SEZ6L: variants seen among roughly 807,000 people sequenced by gnomAD.
SEZ6L encodes the protein seizure 6-like protein.
SEZ6L carries 37 observed loss-of-function variants against 106.2 expected under a neutral mutation model. That is an observed-to-expected ratio of 0.35 (90% confidence interval 0.27 to 0.46). The LOEUF (loss-of-function observed/expected upper bound fraction) is 0.46. SEZ6L is among the 20% of genes least tolerant of loss of function. The pLI is 1.00. For missense variants in SEZ6L, 1,172 were observed against 1,332.8 expected, an observed-to-expected ratio of 0.88 and a Z score of 1.88; for synonymous variants, 541 against 570.4, an observed-to-expected ratio of 0.95 and a Z score of 0.73.
chr22:26,326,026 A>C (rs1234889131), intron 9 of SEZ6L, among the ~76,000 whole-genome samples: 1 of 152,150 alleles, frequency 6.6e-6, no homozygotes, highest in Non-Finnish European at 1.5e-5. Context: ...GGTCCTACCC[A>C]GGTATCCCAC....
chr22:26,293,976 C>T (rs993719833), intron 2 of SEZ6L, among the ~76,000 whole-genome samples: 12 of 152,118 alleles, frequency 7.9e-5, no homozygotes, highest in Admixed American at 7.9e-4. Context: ...TGTTTGAGCT[C>T]GGCCCCTCTC....
intron 1 of SEZ6L, among the ~76,000 whole-genome samples, chr22:26,213,790 G>A (rs981975961): frequency 2.0e-5 from 3 of 152,172 alleles, no homozygotes; most frequent in Admixed American, 6.5e-5. Context: ...GTGTAGTGCC[G>A]TGCACCTGTA....
chr22:26,316,688 C>G (rs2082005498), intron 9 of SEZ6L, among the ~76,000 whole-genome samples: 1 of 151,866 alleles, frequency 6.6e-6, no homozygotes, highest in Non-Finnish European at 1.5e-5. Context: ...AAAAATTAGC[C>G]AGGCGTGGTG....
Position 26,200,705 on chromosome 22 carries a change from T to C in SEZ6L, c.94+30942T>C, listed in dbSNP as rs181087892. 2.3e-4 allele frequency among the ~76,000 whole-genome samples: 35 copies of C among 152,326 alleles called. No homozygotes were observed. The East Asian group carries it at 4.6e-3, about 20-fold the overall frequency. Reference sequence around the variant, plus strand: ...GCCTTCTCAGCCTCCAGCCAGTTGCTGGATTTGTCATTTTAAAGGACTTCT... The same window carrying C: ...GCCTTCTCAGCCTCCAGCCAGTTGCCGGATTTGTCATTTTAAAGGACTTCT... On this transcript the variant is annotated intron_variant, in intron 1 of 16. Transcript: ENST00000248933.
At chr22:26,272,839 G>A (rs1248184223) in intron 1 of SEZ6L, among the ~76,000 whole-genome samples, 1 of 152,202 alleles carries the variant, frequency 6.6e-6, no homozygotes, top group Non-Finnish European at 1.5e-5. Context: ...ATATCAGACA[G>A]ACCTGGGTTT....
rs1221949792 is a variant in SEZ6L at position 26,327,463 on chromosome 22, T to TAC, written c.2016-12964_2016-12963dup. On this transcript the variant is annotated intron_variant, in intron 9 of 16. Transcript: ENST00000248933. ...ATGACACTACACACACCACACACCA[T>TAC]ACACACACACCCCTCACACACACCA... Among the ~76,000 whole-genome samples the TAC allele has an allele frequency of 5.5e-5, 5 of 91,268 alleles. No individual in the cohort carries two copies. In the Admixed American group the frequency reaches 7.4e-4, roughly 14 times the overall value. The allele number at this position is 91,268 out of a possible 152,430, so 59.9% of individuals were successfully genotyped here.
At chr22:26,182,129 A>C (rs569200332) in intron 1 of SEZ6L, among the ~76,000 whole-genome samples, 1 of 152,330 alleles carries the variant, frequency 6.6e-6, no homozygotes, top group Admixed American at 6.5e-5. Flanking sequence ...GAAACTCAAT[A>C]AGTGCAGACA....
intron 1 of SEZ6L, among the ~76,000 whole-genome samples, chr22:26,189,071 G>A (rs551674887): frequency 2.0e-5 from 3 of 152,098 alleles, no homozygotes; most frequent in Admixed American, 2.0e-4. Context: ...TTTGTTATAA[G>A]TCATAGTTTA....
chr22:26,213,159 A>G (rs2078207905), intron 1 of SEZ6L, among the ~76,000 whole-genome samples: 1 of 152,204 alleles, frequency 6.6e-6, no homozygotes. Context: ...ACTTAGCCAT[A>G]TAGTCTTCTC....
chr22:26,298,670 C>T (rs750859498), intron 4 of SEZ6L, among the ~76,000 whole-genome samples: 1 of 152,120 alleles, frequency 6.6e-6, no homozygotes, highest in East Asian at 1.9e-4. Flanking sequence ...CCTCCCAGTC[C>T]CAGAGAGAAG....
chr22:26,349,986 C>T (rs1467247707), intron 11 of SEZ6L, among the ~76,000 whole-genome samples: 1 of 152,082 alleles, frequency 6.6e-6, no homozygotes, highest in Non-Finnish European at 1.5e-5. Flanking sequence ...GCAGTGAAGG[C>T]TCCCCCTCAC....
At chr22:26,352,691 T>C (rs955560406) in intron 12 of SEZ6L, among the ~76,000 whole-genome samples, 1 of 152,240 alleles carries the variant, frequency 6.6e-6, no homozygotes, top group Non-Finnish European at 1.5e-5. Flanking sequence ...TTGGATAGGC[T>C]GATACTTACT....
intron 1 of SEZ6L, among the ~76,000 whole-genome samples, chr22:26,178,371 C>T (rs1365074366): frequency 2.0e-5 from 3 of 152,202 alleles, no homozygotes; most frequent in African/African-American, 7.2e-5. Flanking sequence ...TCCTAGGCTT[C>T]CTCACTCTCA....
intron 5 of SEZ6L, among the ~76,000 whole-genome samples, chr22:26,304,430 A>AAGAAAGAG (rs769423765): frequency 6.7e-6 from 1 of 148,564 alleles, no homozygotes; most frequent in Admixed American, 6.7e-5. Flanking sequence ...GAAAGAAAGA[A>AAGAAAGAG]AAAGAAAGGA....
intron 1 of SEZ6L, among the ~76,000 whole-genome samples, chr22:26,171,188 C>T (rs921118915): frequency 6.6e-6 from 1 of 152,142 alleles, no homozygotes; most frequent in African/African-American, 2.4e-5. Flanking sequence ...ATTGAAGAAC[C>T]CCCACCCCTT....
chr22:26,367,934 A>G (rs1212907748), intron 13 of SEZ6L, among the ~76,000 whole-genome samples: 3 of 152,172 alleles, frequency 2.0e-5, no homozygotes, highest in African/African-American at 7.2e-5. Context: ...TCCATTGAAC[A>G]CTCATCACTA....
chr22:26,222,908 G>A (rs898556523), intron 1 of SEZ6L, among the ~76,000 whole-genome samples: 1 of 151,988 alleles, frequency 6.6e-6, no homozygotes, highest in Non-Finnish European at 1.5e-5. Context: ...TCACACCTGG[G>A]GTGTTTGCTA....
intron 10 of SEZ6L, among the ~76,000 whole-genome samples, chr22:26,346,592 G>C (rs1337394461): frequency 2.6e-5 from 4 of 152,168 alleles, no homozygotes; most frequent in African/African-American, 9.7e-5. Context: ...TGAGGCTCTG[G>C]TCAGGATGCC....
At chr22:26,346,025 G>T (rs948686010) in intron 10 of SEZ6L, among the ~76,000 whole-genome samples, 4 of 149,878 alleles carry the variant, frequency 2.7e-5, no homozygotes, top group African/African-American at 7.3e-5. Context: ...TGTTCAAATT[G>T]TTTTTTTTTT....
Sources: gnomAD v4.1 joint callset for allele counts (sites outside exome capture counted in the v4.1 genomes callset) on GRCh38, gnomAD v4.1.1 for gene constraint, MANE v1.5 for transcripts, NCBI Gene and HGNC (gene_info 2026-07-23, HGNC 2026-07-21) for gene names.